The following TNNI3K variants were observed in gnomAD, a reference collection of about 807,000 sequenced individuals.
TNNI3K encodes serine/threonine-protein kinase TNNI3K.
A neutral mutation model predicts 114.5 loss-of-function variants in TNNI3K; 140 were observed. The ratio of observed to expected loss-of-function variants is 1.22; its 90% CI spans 1.07 to 1.41. The LOEUF (loss-of-function observed/expected upper bound fraction) is 1.41, where lower values mean the gene tolerates loss of function less well. Among genes scored for constraint, TNNI3K ranks in the 40% most tolerant of loss-of-function variants. The probability of loss-of-function intolerance (pLI) is 0.00; values close to 1 mark genes in which losing one functional copy is unlikely to be tolerated. For missense variants in TNNI3K, 1,125 were observed against 1,007.6 expected (o/e 1.12, Z -1.58); for synonymous variants, 347 against 347.5 (o/e 1.00, Z 0.02).
At chr1:74,452,045 G>T (rs1027947700) in intron 20 of TNNI3K, among the ~76,000 whole-genome samples, 1 of 151,818 alleles carries the variant, frequency 6.6e-6, no homozygotes, top group Non-Finnish European at 1.5e-5. Flanking sequence ...TAAAATTATT[G>T]TATGGCTTCC....
chr1:74,504,789 G>T (rs111762520), intron 23 of TNNI3K, among the ~76,000 whole-genome samples: 1 of 152,044 alleles, frequency 6.6e-6, no homozygotes, highest in African/African-American at 2.4e-5. Flanking sequence ...CTGTAATTTC[G>T]TGTTCTTTTC....
chr1:74,464,671 G>A (rs1224680800), intron 21 of TNNI3K: 1 of 1,597,088 alleles, frequency 6.3e-7, no homozygotes, highest in Non-Finnish European at 8.5e-7. Context: ...AGTCTCATCT[G>A]TGTACACAGA....
Position 74,528,780 on chromosome 1 carries a change from C to T in TNNI3K, c.2352-11454C>T, listed in dbSNP as rs149431576. Among the ~76,000 whole-genome samples, 1,431 of 152,232 alleles carry T rather than the reference C, an allele frequency of 9.4e-3. 22 individuals carry two copies. The highest frequency in any genetic ancestry group is 0.031 in the African/African-American group (1,296 of 41,520). ...GCTAAATGAAAGCACCTGGGAGGAG[C>T]GGCACTTCAACTGCAGGAACACACC... On this transcript the variant is annotated intron_variant, in intron 23 of 24. Transcript: ENST00000326637.
At chr1:74,503,872 C>A (rs74093602) in intron 23 of TNNI3K, among the ~76,000 whole-genome samples, 5,361 of 152,206 alleles carry the variant, frequency 0.035, 309 homozygotes, top group African/African-American at 0.12. Flanking sequence ...TATAACTATG[C>A]ATGTTGATGT....
At chr1:74,375,565 A>G (rs143822917) in intron 17 of TNNI3K, 1 of 455,238 alleles carries the variant, frequency 2.2e-6, no homozygotes, top group Non-Finnish European at 4.4e-6. Flanking sequence ...TATTTTGCAG[A>G]TGCTGTACAG....
At chr1:74,490,913 T>A (rs45557534) in intron 22 of TNNI3K, among the ~76,000 whole-genome samples, 4,261 of 152,256 alleles carry the variant, frequency 0.028, 182 homozygotes, top group African/African-American at 0.097. Flanking sequence ...AAGTATCAAA[T>A]GGTGGAGACC....
At chr1:74,255,925 G>A (rs759720899) in intron 4 of TNNI3K, among the ~76,000 whole-genome samples, 1 of 151,942 alleles carries the variant, frequency 6.6e-6, no homozygotes, top group Non-Finnish European at 1.5e-5. Context: ...AAGGCTATTG[G>A]GATTCACCCA....
chr1:74,426,663 AG>A (rs1665654568), intron 17 of TNNI3K, among the ~76,000 whole-genome samples: 1 of 151,852 alleles, frequency 6.6e-6, no homozygotes, highest in Non-Finnish European at 1.5e-5. Flanking sequence ...ATTAGTGTCT[AG>A]GATTTAATTT....
intron 4 of TNNI3K, among the ~76,000 whole-genome samples, chr1:74,269,523 A>G (rs1656218679): frequency 1.3e-5 from 2 of 151,796 alleles, no homozygotes; most frequent in South Asian, 4.1e-4. Flanking sequence ...ACTAGTTAGG[A>G]AGCTGCGTAA....
intron 23 of TNNI3K, among the ~76,000 whole-genome samples, chr1:74,522,570 G>A (rs893591801): frequency 6.6e-6 from 1 of 152,108 alleles, no homozygotes; most frequent in African/African-American, 2.4e-5. Flanking sequence ...ATGAAAAAGA[G>A]AGAATCTGTC....
intron 22 of TNNI3K, among the ~76,000 whole-genome samples, chr1:74,490,361 C>A (rs762253036): frequency 2.0e-5 from 3 of 152,126 alleles, no homozygotes; most frequent in Non-Finnish European, 2.9e-5. Context: ...ACCTTCAAGA[C>A]TTGAATTTAA....
chr1:74,508,603 A>G (rs1477642527), intron 23 of TNNI3K, among the ~76,000 whole-genome samples: 1 of 152,220 alleles, frequency 6.6e-6, no homozygotes, highest in Non-Finnish European at 1.5e-5. Context: ...GAGGATAAGT[A>G]GCGAATCAGT....
chr1:74,291,613 A>G (rs989979318), intron 5 of TNNI3K, among the ~76,000 whole-genome samples: 10 of 151,568 alleles, frequency 6.6e-5, no homozygotes. Context: ...AAGTTGACTG[A>G]CTTCATAGTC....
intron 11 of TNNI3K, among the ~76,000 whole-genome samples, chr1:74,361,359 A>G (rs1661958365): frequency 6.6e-6 from 1 of 152,038 alleles, no homozygotes; most frequent in Non-Finnish European, 1.5e-5. Context: ...CATTCACATC[A>G]TGTACCTTTT....
intron 20 of TNNI3K, among the ~76,000 whole-genome samples, chr1:74,460,174 G>C (rs4364824): frequency 0.028 from 4,209 of 151,674 alleles, 177 homozygotes; most frequent in African/African-American, 0.097. Flanking sequence ...CTCCCAGGTT[G>C]AAGTGATTTT....
chr1:74,438,450 G>C (rs1035888147), intron 19 of TNNI3K, among the ~76,000 whole-genome samples: 1 of 152,024 alleles, frequency 6.6e-6, no homozygotes, highest in African/African-American at 2.4e-5. Flanking sequence ...AAGAATAATG[G>C]TTTCCTTCAA....
intron 11 of TNNI3K, among the ~76,000 whole-genome samples, chr1:74,360,601 G>A (rs1181223375): frequency 6.6e-6 from 1 of 152,038 alleles, no homozygotes; most frequent in South Asian, 2.1e-4. Flanking sequence ...GTTATTTCAT[G>A]TTTCCAAGAC....
At chr1:74,326,448 T>C (rs1659909521) in intron 5 of TNNI3K, among the ~76,000 whole-genome samples, 1 of 152,200 alleles carries the variant, frequency 6.6e-6, no homozygotes, top group Non-Finnish European at 1.5e-5. Context: ...TGAGGCCCTT[T>C]GTTATTATAG....
chr1:74,308,038 A>AAT lies in TNNI3K; in HGVS notation c.445-23400_445-23399dup, dbSNP rs1010045062. 4.1e-4 allele frequency among the ~76,000 whole-genome samples: 62 copies of AAT among 151,138 alleles called. 1 individual carries two copies. The highest frequency in any genetic ancestry group is 1.8e-3 in the Admixed American group (28 of 15,154). ...GAGACAGAGCAAGACTCCATCTAAA[A>AAT]ATATATATATATAATAGTAATAATA... is the stretch of plus-strand genomic sequence containing the variant. On this transcript the variant is annotated intron_variant, in intron 5 of 24. Transcript: ENST00000326637.
Sources: allele counts gnomAD v4.1 joint callset (sites outside exome capture counted in the v4.1 genomes callset), GRCh38; gene constraint gnomAD v4.1.1; transcripts MANE v1.5; gene names NCBI Gene and HGNC (gene_info 2026-07-23, HGNC 2026-07-21).